Variants in IMMP2L observed in about 807,000 individuals in gnomAD.
IMMP2L encodes the protein inner mitochondrial membrane peptidase subunit 2.
In IMMP2L, 18 loss-of-function variants were observed where a neutral mutation model predicts 19.3. The observed-to-expected ratio is 0.93, with a 90% confidence interval of 0.64 to 1.38. IMMP2L has a LOEUF of 1.38. Among genes scored for constraint, IMMP2L ranks in the 40% most tolerant of loss-of-function variants. IMMP2L has a pLI of 0.00. For synonymous variants in IMMP2L, 76 were observed against 73.0 expected (o/e 1.04, Z -0.21); for missense variants, 233 against 218.2 (o/e 1.07, Z -0.43).
intron 3 of IMMP2L, among the ~76,000 whole-genome samples, chr7:111,407,977 C>T (rs112292157): frequency 0.021 from 3,165 of 151,978 alleles, 112 homozygotes; most frequent in African/African-American, 0.072. Flanking sequence ...CACAATCCTA[C>T]GAAGCAGGAA....
At chr7:111,368,341 A>G (rs540150077) in intron 3 of IMMP2L, among the ~76,000 whole-genome samples, 1 of 152,058 alleles carries the variant, frequency 6.6e-6, no homozygotes, top group African/African-American at 2.4e-5. Context: ...ATGTCTTTTA[A>G]AGGCTACTTC....
intron 3 of IMMP2L, among the ~76,000 whole-genome samples, chr7:111,435,235 T>C (rs535599687): frequency 6.6e-6 from 1 of 151,998 alleles, no homozygotes; most frequent in East Asian, 1.9e-4. Flanking sequence ...TGAAATTATA[T>C]CTTTATCACT....
intron 3 of IMMP2L, among the ~76,000 whole-genome samples, chr7:111,176,258 A>G (rs1261554108): frequency 6.6e-6 from 1 of 151,978 alleles, no homozygotes; most frequent in Non-Finnish European, 1.5e-5. Context: ...CAGCACTCCC[A>G]CACAAGGTAT....
At chr7:111,387,762 G>C (rs1831912156) in intron 3 of IMMP2L, among the ~76,000 whole-genome samples, 1 of 151,894 alleles carries the variant, frequency 6.6e-6, no homozygotes, top group South Asian at 2.1e-4. Flanking sequence ...CAGACAACGA[G>C]GTCAGGAGAT....
Position 111,285,452 on chromosome 7 carries a change from C to G in IMMP2L, c.239+201786G>C, listed in dbSNP as rs145717502. Among the ~76,000 whole-genome samples, 24 of 152,208 alleles carry G rather than the reference C, an allele frequency of 1.6e-4. No homozygotes were observed. In the East Asian group the frequency reaches 4.6e-3, roughly 29 times the overall value. ...AAAGTTTTCAAGTTTGGACTGAAGT[C>G]TATGAAATCATGATATCATTAAGGG... On this transcript the variant is annotated intron_variant, in intron 3 of 5. Transcript: ENST00000405709.
chr7:110,832,328 T>C (rs1339879657), intron 5 of IMMP2L, among the ~76,000 whole-genome samples: 2 of 152,162 alleles, frequency 1.3e-5, no homozygotes, highest in Non-Finnish European at 2.9e-5. Context: ...GGTTTTGCAC[T>C]GTACTGTCGT....
chr7:111,240,265 A>G (rs1460483202), intron 3 of IMMP2L, among the ~76,000 whole-genome samples: 2 of 152,004 alleles, frequency 1.3e-5, no homozygotes, highest in Non-Finnish European at 2.9e-5. Context: ...ACAGAAACTC[A>G]TCATTCCTTT....
chr7:111,231,812 G>A (rs1256073130), intron 3 of IMMP2L, among the ~76,000 whole-genome samples: 4 of 151,970 alleles, frequency 2.6e-5, no homozygotes, highest in African/African-American at 4.8e-5. Context: ...TAGGCAATTC[G>A]AATATAACTG....
Position 111,159,037 on chromosome 7 carries a change from A to C in IMMP2L, c.240-195472T>G, listed in dbSNP as rs187030221. On this transcript the variant is annotated intron_variant, in intron 3 of 5. Coordinates refer to ENST00000405709, the MANE Select transcript of IMMP2L (RefSeq NM_032549.4). ...GTTCTAAACTAGGTCACATAAAATT[A>C]TAAGTGTTTTGAAATTTAAAATGTT... Among the ~76,000 whole-genome samples, 10 of 152,328 alleles carry C rather than the reference A, an allele frequency of 6.6e-5. No individual in the cohort carries two copies. The East Asian group carries it at 1.7e-3, about 26-fold the overall frequency.
At chr7:111,018,805 A>C (rs1272358249) in intron 3 of IMMP2L, among the ~76,000 whole-genome samples, 5 of 135,092 alleles carry the variant, frequency 3.7e-5, no homozygotes, top group Non-Finnish European at 8.2e-5. Context: ...TATTATTATT[A>C]TTATTATTAT....
chr7:111,172,318 G>T (rs1295413060), intron 3 of IMMP2L, among the ~76,000 whole-genome samples: 2 of 151,308 alleles, frequency 1.3e-5, no homozygotes, highest in African/African-American at 4.8e-5. Context: ...TAAATTTAAA[G>T]ACTGGAACAC....
At chr7:110,817,200 T>TATCC (rs1057328395) in intron 5 of IMMP2L, among the ~76,000 whole-genome samples, 10 of 152,116 alleles carry the variant, frequency 6.6e-5, no homozygotes, top group African/African-American at 2.4e-4. Context: ...CATGATTGCA[T>TATCC]ATCCAGAAAA....
Position 110,742,768 on chromosome 7 carries a change from CAAAA to C in IMMP2L, c.409-79051_409-79048del, listed in dbSNP as rs35558488. Among the ~76,000 whole-genome samples the C allele has an allele frequency of 2.8e-3, 340 of 121,570 alleles. 4 individuals carry two copies. The highest frequency in any genetic ancestry group is 9.1e-3 in the African/African-American group (305 of 33,534). 79.8% of individuals were successfully genotyped at this position (121,570 alleles called of 152,430 possible). A position where few individuals can be genotyped will look rare whatever the true frequency, so the allele number is the denominator to read the frequency against. On this transcript the variant is annotated intron_variant, in intron 5 of 5. Transcript: ENST00000405709. Reference sequence around the variant, plus strand: ...GGGCAACAAGAGCTAAACTCCGTCTCAAAAAAAAAAAAAAAAAAAATTTATACTT... The same window carrying C: ...GGGCAACAAGAGCTAAACTCCGTCTCAAAAAAAAAAAAAAAATTTATACTT...
chr7:110,820,102 C>T (rs35254164), intron 5 of IMMP2L, among the ~76,000 whole-genome samples: 36,637 of 151,882 alleles, frequency 0.24, 4,577 homozygotes, highest in Non-Finnish European at 0.28. Flanking sequence ...TCACCTCCAC[C>T]TAACTCCTAA....
intron 3 of IMMP2L, among the ~76,000 whole-genome samples, chr7:111,074,663 T>TA (rs746047072): frequency 2.6e-5 from 4 of 152,206 alleles, no homozygotes; most frequent in Non-Finnish European, 5.9e-5. Flanking sequence ...ATGTTCTTCC[T>TA]AATGGGGCTT....
chr7:110,713,391 G>A (rs376485915), intron 5 of IMMP2L, among the ~76,000 whole-genome samples: 4 of 152,094 alleles, frequency 2.6e-5, no homozygotes, highest in African/African-American at 7.2e-5. Flanking sequence ...TTGGCTATTC[G>A]GGCTCTTTTT....
chr7:110,793,743 C>T lies in IMMP2L; in HGVS notation c.408+92850G>A, dbSNP rs1562979136. 2.0e-5 allele frequency among the ~76,000 whole-genome samples: 3 copies of T among 152,152 alleles called. No individual in the cohort carries two copies. The Middle Eastern group carries it at 0.01, about 518-fold the overall frequency. ...GAGTAGATTTTAGGTGTTCTCACCA[C>T]ATACATGCTTAAAAATAATTACTAT... is the stretch of plus-strand genomic sequence containing the variant. On this transcript the variant is annotated intron_variant, in intron 5 of 5. Coordinates refer to ENST00000405709, the MANE Select transcript of IMMP2L (RefSeq NM_032549.4).
At chr7:110,819,007 G>GC (rs371116030) in intron 5 of IMMP2L, among the ~76,000 whole-genome samples, 17 of 151,568 alleles carry the variant, frequency 1.1e-4, no homozygotes, top group African/African-American at 4.1e-4. Flanking sequence ...TATACCTAAT[G>GC]TAAATGACGA....
chr7:111,339,798 T>C (rs1374676277), intron 3 of IMMP2L, among the ~76,000 whole-genome samples: 1 of 152,040 alleles, frequency 6.6e-6, no homozygotes, highest in Non-Finnish European at 1.5e-5. Context: ...ATTGACTAGT[T>C]AGCCTTCTGT....
Sources: gnomAD v4.1 joint callset for allele counts (sites outside exome capture counted in the v4.1 genomes callset) on GRCh38, gnomAD v4.1.1 for gene constraint, MANE v1.5 for transcripts, NCBI Gene and HGNC (gene_info 2026-07-23, HGNC 2026-07-21) for gene names.